The following PSKH2 variants were observed in gnomAD, a reference collection of about 807,000 sequenced individuals.
PSKH2 encodes the protein protein serine kinase H2.
PSKH2 carries 16 observed loss-of-function variants against 22.5 expected under a neutral mutation model. That is an observed-to-expected ratio of 0.71 (90% CI 0.48 to 1.08). The LOEUF (loss-of-function observed/expected upper bound fraction) is 1.08, where lower values mean the gene tolerates loss of function less well. PSKH2 is among the 50% of genes least tolerant of loss of function. PSKH2 has a pLI of 0.00. For missense variants in PSKH2, 516 were observed against 492.8 expected (o/e 1.05, Z -0.44); for synonymous variants, 188 against 184.8 (o/e 1.02, Z -0.14).
At chr8:86,055,082 T>C (rs1817682385) in intron 2 of PSKH2, among the ~76,000 whole-genome samples, 1 of 152,162 alleles carries the variant, frequency 6.6e-6, no homozygotes, top group Non-Finnish European at 1.5e-5. Flanking sequence ...TATAAACATA[T>C]AGAATAATGT....
intron 2 of PSKH2, among the ~76,000 whole-genome samples, chr8:86,062,500 A>G (rs530181073): frequency 6.6e-6 from 1 of 152,312 alleles, no homozygotes; most frequent in Middle Eastern, 3.4e-3. Context: ...GAGGGGAACG[A>G]AGTGGAGGTG....
chr8:86,069,765 G>T, upstream of PSKH2: 2 of 931,544 alleles, frequency 2.1e-6, no homozygotes, highest in African/African-American at 1.7e-5. Flanking sequence ...CAGGGAGACA[G>T]CCCCCAGGAT....
chr8:86,049,720 AAGAAAGAAAGAAAGAAAGAAAGAAAG>A (rs1817591789), intron 2 of PSKH2, among the ~76,000 whole-genome samples: 1 of 73,136 alleles, frequency 1.4e-5, no homozygotes, highest in Non-Finnish European at 2.7e-5. Context: ...GAAAGAAAGA[AAGAAAGAAAGAAAGAAAGAAAGAAAG>A]AAACGAAAGA....
chr8:86,067,655 T>C (rs1416722319), intron 1 of PSKH2, among the ~76,000 whole-genome samples: 2 of 152,028 alleles, frequency 1.3e-5, no homozygotes, highest in African/African-American at 2.4e-5. Context: ...TTTTTGAACA[T>C]AGATTAAAGA....
rs767481256 is a variant in PSKH2 at position 86,064,539 on chromosome 8, A to C, written c.278T>G (p.Val93Gly). 1.2e-5 allele frequency: 20 copies of C among 1,613,594 alleles called. No homozygotes were observed. Among genetic ancestry groups the C allele is most frequent in the Non-Finnish European group, 1.5e-5 (18 of 1,179,958 alleles). ...ACCTTCCCTCTCTCTGGTTTCCATC[A>C]CTTTTATTGCAAAAGGTTTCTTGGT... Reference protein sequence around the residue: ...KTTKKPFAIKVMETREREGRE... With the variant: ...KTTKKPFAIKGMETREREGRE... The change falls in exon 2 of 3, where the codon GTG (valine) becomes GGG (glycine). Residue 93 changes from valine to glycine, a missense_variant. Val to Gly is a moderately radical substitution (Grantham distance 109). Transcript: ENST00000276616.
chr8:86,051,228 A>ACAG (rs907709020), intron 2 of PSKH2, among the ~76,000 whole-genome samples: 1 of 151,716 alleles, frequency 6.6e-6, no homozygotes, highest in African/African-American at 2.4e-5. Flanking sequence ...TGCTGGGATT[A>ACAG]CAGGCATGTG....
chr8:86,067,199 C>T (rs952726625), intron 1 of PSKH2, among the ~76,000 whole-genome samples: 2 of 152,130 alleles, frequency 1.3e-5, no homozygotes, highest in South Asian at 4.2e-4. Flanking sequence ...GGAAACAGTA[C>T]ACTTGAAGCC....
chr8:86,063,379 C>T (rs1015763877), intron 2 of PSKH2, among the ~76,000 whole-genome samples: 2 of 152,128 alleles, frequency 1.3e-5, no homozygotes, highest in African/African-American at 2.4e-5. Flanking sequence ...CTTCCCTACC[C>T]AAAACAACAA....
chr8:86,049,758 A>AGAAAG (rs1817601297), intron 2 of PSKH2, among the ~76,000 whole-genome samples: 1 of 130,730 alleles, frequency 7.6e-6, no homozygotes, highest in African/African-American at 3.2e-5. Flanking sequence ...AACGAAAGAA[A>AGAAAG]GAAAGAAAGA....
intron 2 of PSKH2, among the ~76,000 whole-genome samples, chr8:86,055,992 G>A (rs1255216997): frequency 6.6e-6 from 1 of 151,872 alleles, no homozygotes; most frequent in Non-Finnish European, 1.5e-5. Flanking sequence ...GTGTGTGTGT[G>A]TGTGTGTGTG....
At chr8:86,054,875 G>A (rs1354605142) in intron 2 of PSKH2, among the ~76,000 whole-genome samples, 1 of 152,082 alleles carries the variant, frequency 6.6e-6, no homozygotes, top group Non-Finnish European at 1.5e-5. Flanking sequence ...GTAAAATTGG[G>A]TACAGTTGAA....
intron 1 of PSKH2, among the ~76,000 whole-genome samples, chr8:86,064,836 G>A (rs1282090296): frequency 1.3e-5 from 2 of 151,894 alleles, no homozygotes; most frequent in Non-Finnish European, 2.9e-5. Context: ...GTAATTTGTT[G>A]GTAGAAAGAC....
At position 86,063,157 on chromosome 8, in the gene PSKH2, T is replaced by C. The variant is rs551997920; in HGVS notation, c.852+808A>G. 1.8e-4 allele frequency among the ~76,000 whole-genome samples: 27 copies of C among 152,346 alleles called. No individual in the cohort carries two copies. In the South Asian group the frequency reaches 5.6e-3, roughly 32 times the overall value. On this transcript the variant is annotated intron_variant, in intron 2 of 2. Coordinates refer to ENST00000276616, the MANE Select transcript of PSKH2 (RefSeq NM_033126.3). ...AAGGCACTAAAGGTCTGTCAGAGTG[T>C]AGAAAACATTATATTTAAATTTGGT...
intron 1 of PSKH2, among the ~76,000 whole-genome samples, chr8:86,065,973 A>C (rs1338504212): frequency 6.6e-6 from 1 of 152,140 alleles, no homozygotes; most frequent in Non-Finnish European, 1.5e-5. Flanking sequence ...TCTGTCTCAA[A>C]AATTAAAAAA....
intron 2 of PSKH2, among the ~76,000 whole-genome samples, chr8:86,056,607 C>A (rs1817700385): frequency 6.6e-6 from 1 of 152,096 alleles, no homozygotes; most frequent in African/African-American, 2.4e-5. Context: ...CTTACTTAGG[C>A]AAAATTCAAA....
chr8:86,069,303 G>A (rs1008510490), intron 1 of PSKH2, 135 bp downstream of exon 1: 1 of 718,876 alleles, frequency 1.4e-6, no homozygotes, highest in African/African-American at 1.9e-5. Context: ...CAGAGAAAGG[G>A]GGAGATCAGT....
At chr8:86,068,033 T>G (rs946218365) in intron 1 of PSKH2, among the ~76,000 whole-genome samples, 3 of 152,204 alleles carry the variant, frequency 2.0e-5, no homozygotes, top group Non-Finnish European at 4.4e-5. Flanking sequence ...TAGACCAGAC[T>G]AGCATCATCT....
At chr8:86,060,104 G>A (rs1028713648) in intron 2 of PSKH2, among the ~76,000 whole-genome samples, 2 of 152,166 alleles carry the variant, frequency 1.3e-5, no homozygotes, top group African/African-American at 4.8e-5. Context: ...TCTGAGAGCT[G>A]TTACCTGAGA....
At chr8:86,051,395 G>C (rs926473247) in intron 2 of PSKH2, among the ~76,000 whole-genome samples, 11 of 152,144 alleles carry the variant, frequency 7.2e-5, no homozygotes, top group Non-Finnish European at 8.8e-5. Flanking sequence ...CCTTAATCCA[G>C]AATTTGAATA....
Sources: gnomAD v4.1 joint callset for allele counts (sites outside exome capture counted in the v4.1 genomes callset) on GRCh38, gnomAD v4.1.1 for gene constraint, MANE v1.5 for transcripts, NCBI Gene and HGNC (gene_info 2026-07-23, HGNC 2026-07-21) for gene names.